CCR9: variants seen among roughly 807,000 people sequenced by gnomAD.
The protein encoded by CCR9 is C-C chemokine receptor type 9.
In CCR9, 4 loss-of-function variants were observed where a neutral mutation model predicts 8.7. The observed-to-expected ratio is 0.46, with a 90% CI of 0.23 to 1.06. The LOEUF is 1.06. Ranked by LOEUF, CCR9 falls within the 50% of genes least tolerant of loss-of-function variation. CCR9 has a pLI of 0.21. For synonymous variants in CCR9, 159 were observed against 168.8 expected (o/e 0.94, Z 0.45); for missense variants, 394 against 453.6 (o/e 0.87, Z 1.19).
Position 45,893,793 on chromosome 3 carries a change from C to T in CCR9, c.-28-1113C>T, listed in dbSNP as rs73830608. 3.2e-3 allele frequency among the ~76,000 whole-genome samples: 495 copies of T among 152,318 alleles called. 3 individuals are homozygous for T. Among genetic ancestry groups the T allele is most frequent in the African/African-American group, 0.011 (455 of 41,556 alleles). On this transcript the variant is annotated intron_variant, in intron 1 of 2. Coordinates refer to ENST00000357632, the MANE Select transcript of CCR9 (RefSeq NM_031200.3). ...TATGGGGACATATACTTACAATTTTCTTGGGTGAATACTTAGGAGTGGGAT... is the reference window on the plus strand; with the variant it reads ...TATGGGGACATATACTTACAATTTTTTTGGGTGAATACTTAGGAGTGGGAT...
chr3:45,894,981 C>T (rs199578391), intron 2 of CCR9, 27 bp downstream of exon 2: 39 of 1,610,528 alleles, frequency 2.4e-5, no homozygotes, highest in Non-Finnish European at 3.2e-5. Context: ...TCCTCTGGCT[C>T]CTCAAAACAC....
At chr3:45,892,630 G>C (rs1220714974) in intron 1 of CCR9, among the ~76,000 whole-genome samples, 2 of 152,110 alleles carry the variant, frequency 1.3e-5, no homozygotes, top group African/African-American at 4.8e-5. Context: ...TTATTAACCT[G>C]GGTGGCGAAA....
chr3:45,889,032 C>T (rs1702065841), intron 1 of CCR9, among the ~76,000 whole-genome samples: 1 of 152,236 alleles, frequency 6.6e-6, no homozygotes, highest in South Asian at 2.1e-4. Flanking sequence ...GTCACTCAGG[C>T]TGCAGTGCAG....
chr3:45,897,511 C>A, intron 2 of CCR9: 2 of 1,240,340 alleles, frequency 1.6e-6, no homozygotes, highest in South Asian at 2.6e-5. Context: ...AAAGCTGGGT[C>A]ACCCAGGTCC....
At chr3:45,895,621 C>T (rs1008991795) in intron 2 of CCR9, among the ~76,000 whole-genome samples, 75 of 151,712 alleles carry the variant, frequency 4.9e-4, no homozygotes, top group African/African-American at 1.8e-3. Context: ...GGCTGAGGCA[C>T]GAGAGTCGCT....
At chr3:45,899,662 G>A (rs953667500) in intron 2 of CCR9, among the ~76,000 whole-genome samples, 2 of 152,132 alleles carry the variant, frequency 1.3e-5, no homozygotes, top group African/African-American at 4.8e-5. Context: ...CCTAATGGGA[G>A]CCCTCAGAAG....
intron 2 of CCR9, among the ~76,000 whole-genome samples, chr3:45,895,581 G>T (rs1275319169): frequency 6.6e-6 from 1 of 152,196 alleles, no homozygotes; most frequent in East Asian, 1.9e-4. Flanking sequence ...AGGTGTGGTG[G>T]CATGCGCATG....
intron 2 of CCR9, among the ~76,000 whole-genome samples, chr3:45,898,257 G>A (rs923167572): frequency 4.7e-4 from 71 of 152,220 alleles, no homozygotes; most frequent in African/African-American, 1.7e-3. Flanking sequence ...CCTACAGGAC[G>A]ACTGTCTTAG....
chr3:45,888,293 C>T (rs899505914), intron 1 of CCR9, among the ~76,000 whole-genome samples: 11 of 152,164 alleles, frequency 7.2e-5, no homozygotes, highest in African/African-American at 2.4e-4. Flanking sequence ...CCATGCTCTT[C>T]GGCCTTCAAG....
chr3:45,896,687 T>A (rs1367420320), intron 2 of CCR9, among the ~76,000 whole-genome samples: 1 of 152,188 alleles, frequency 6.6e-6, no homozygotes, highest in Non-Finnish European at 1.5e-5. Flanking sequence ...GGTCTCAATG[T>A]TGGGATTTAA....
intron 2 of CCR9, among the ~76,000 whole-genome samples, chr3:45,896,790 C>T (rs1575301099): frequency 6.6e-6 from 1 of 152,238 alleles, no homozygotes; most frequent in African/African-American, 2.4e-5. Context: ...TGTGCCCTCT[C>T]TTATTCCATC....
Position 45,900,860 on chromosome 3 carries a change from C to A in CCR9, c.72C>A (p.Ser24=), listed in dbSNP as rs1257545282. Residue 24 remains serine (S), a synonymous_variant, in exon 3 of 3, where the codon TCC becomes TCA. Coordinates refer to ENST00000357632, the MANE Select transcript of CCR9 (RefSeq NM_031200.3). This position sits in a 1 kb window ranked among gnomAD's most constrained non-coding sequence, Gnocchi z 4.7. The part of the protein sequence containing the change: ...ADDYGSESTS[S]MEDYVNFNFT... The stretch of plus-strand genomic sequence containing the variant: ...ACTATGGCTCTGAATCCACATCTTC[C>A]ATGGAAGACTACGTTAACTTCAACT... 3.7e-6 allele frequency: 6 copies of A among 1,613,964 alleles called. No homozygotes were observed. Among genetic ancestry groups the A allele is most frequent in the Non-Finnish European group, 5.1e-6 (6 of 1,179,940 alleles).
intron 1 of CCR9, among the ~76,000 whole-genome samples, chr3:45,888,847 G>A (rs1702061429): frequency 6.6e-6 from 1 of 152,166 alleles, no homozygotes; most frequent in African/African-American, 2.4e-5. Context: ...TCTAGATGTG[G>A]GCTCTAGGGA....
rs1259169084 is a variant in CCR9 at position 45,902,923 on chromosome 3, C to G, written c.*1025C>G. On this transcript the variant is annotated 3_prime_UTR_variant, in exon 3 of 3. Coordinates refer to ENST00000357632, the MANE Select transcript of CCR9 (RefSeq NM_031200.3). ...TATTTACTTCCATGCTTCTCCTTTTCTTACTCTATAGTGGCAACATTTTAA... is the reference window on the plus strand; with the variant it reads ...TATTTACTTCCATGCTTCTCCTTTTGTTACTCTATAGTGGCAACATTTTAA... 4 of 167,046 alleles carry G rather than the reference C, an allele frequency of 2.4e-5. No individual in the cohort carries two copies. Among genetic ancestry groups the G allele is most frequent in the African/African-American group, 7.2e-5 (3 of 41,422 alleles). The allele number at this position is 167,046 out of a possible 1,614,324, so 10.3% of individuals were successfully genotyped here. A position where few individuals can be genotyped will look rare whatever the true frequency, so the allele number is the denominator to read the frequency against.
intron 2 of CCR9, among the ~76,000 whole-genome samples, chr3:45,899,047 T>A (rs1702462062): frequency 6.6e-6 from 1 of 152,294 alleles, no homozygotes; most frequent in East Asian, 1.9e-4. Flanking sequence ...ACGCCTGTAA[T>A]CCCAGCTACT....
chr3:45,901,292 T>G lies in CCR9; in HGVS notation c.504T>G (p.Val168=), dbSNP rs200673880. 1 of 1,614,218 alleles carries G rather than the reference T, an allele frequency of 6.2e-7. No homozygotes were observed. Among genetic ancestry groups the G allele is most frequent in the Non-Finnish European group, 8.5e-7 (1 of 1,180,036 alleles). Residue 168 remains valine (V), a synonymous_variant, in exon 3 of 3, where the codon GTT becomes GTG. Coordinates refer to ENST00000357632, the MANE Select transcript of CCR9 (RefSeq NM_031200.3). This position sits in a 1 kb window ranked among gnomAD's most constrained non-coding sequence, Gnocchi z 4.3. ...AAAGGCTTTTGTACAGCAAAATGGT[T>G]TGCTTTACCATCTGGGTATTGGCAG... The part of the protein sequence containing the change: ...REKRLLYSKM[V]CFTIWVLAAA...
intron 1 of CCR9, among the ~76,000 whole-genome samples, chr3:45,890,269 A>AT (rs1466215987): frequency 0.017 from 174 of 10,430 alleles, 55 homozygotes; most frequent in African/African-American, 0.056. Context: ...ATATATATAT[A>AT]ACATATATAT....
At chr3:45,891,622 G>A (rs1248092417) in intron 1 of CCR9, among the ~76,000 whole-genome samples, 1 of 152,126 alleles carries the variant, frequency 6.6e-6, no homozygotes, top group African/African-American at 2.4e-5. Flanking sequence ...TAATCCGGAT[G>A]CAGCACTATC....
At chr3:45,897,250 C>T (rs2125754553) in intron 2 of CCR9, among the ~76,000 whole-genome samples, 1 of 152,260 alleles carries the variant, frequency 6.6e-6, no homozygotes, top group African/African-American at 2.4e-5. Context: ...GGGTGTTGTT[C>T]CAGGATTCCT....
Sources: gnomAD v4.1 joint callset for allele counts (sites outside exome capture counted in the v4.1 genomes callset) on GRCh38, gnomAD v4.1.1 for gene constraint, Gnocchi (gnomAD v3.1) non-coding constraint, MANE v1.5 for transcripts, NCBI Gene and HGNC (gene_info 2026-07-23, HGNC 2026-07-21) for gene names.